Variants in DPF3 observed in about 807,000 individuals in gnomAD.
DPF3 encodes the protein zinc finger protein DPF3.
A neutral mutation model predicts 56.8 loss-of-function variants in DPF3; 18 were observed. The ratio of observed to expected loss-of-function variants is 0.32; its 90% CI spans 0.22 to 0.47. DPF3 has a LOEUF of 0.47. DPF3 is among the 20% of genes least tolerant of loss of function. The pLI, the probability that DPF3 is intolerant of heterozygous loss-of-function variation, is 1.00. For missense variants in DPF3, 403 were observed against 488.8 expected (o/e 0.82, Z 1.65); for synonymous variants, 188 against 180.2 (o/e 1.04, Z -0.35).
chr14:72,759,577 G>T (rs890459093), intron 2 of DPF3, among the ~76,000 whole-genome samples: 6 of 139,648 alleles, frequency 4.3e-5, no homozygotes, highest in African/African-American at 1.3e-4. Flanking sequence ...GGGAGAGAGG[G>T]AAGAAAGGGA....
At chr14:72,663,166 CAAAA>C (rs56335418) in intron 8 of DPF3, among the ~76,000 whole-genome samples, 31 of 88,518 alleles carry the variant, frequency 3.5e-4, no homozygotes, top group African/African-American at 1.2e-3. Flanking sequence ...TGGGTGTTAG[CAAAA>C]AAAAAAAAAA....
At chr14:72,670,913 G>T (rs1886642902) in intron 8 of DPF3, 2 of 1,292,986 alleles carry the variant, frequency 1.5e-6, no homozygotes, top group African/African-American at 1.6e-5. Flanking sequence ...CGCTCATTCT[G>T]CTGTTTTGTT....
intron 5 of DPF3, among the ~76,000 whole-genome samples, chr14:72,716,973 C>G (rs1888958502): frequency 6.6e-6 from 1 of 152,174 alleles, no homozygotes; most frequent in African/African-American, 2.4e-5. Flanking sequence ...CCCCCCTAGT[C>G]CATCCCAAGG....
At chr14:72,662,576 A>G (rs1886261660) in intron 8 of DPF3, 1 of 985,090 alleles carries the variant, frequency 1.0e-6, no homozygotes. Flanking sequence ...AGATTTAAAA[A>G]GAAAAAAAAA....
intron 6 of DPF3, among the ~76,000 whole-genome samples, chr14:72,695,790 C>T (rs112946331): frequency 4.3e-4 from 65 of 152,034 alleles, no homozygotes; most frequent in Non-Finnish European, 7.4e-4. Context: ...AAGCCCAAAC[C>T]TTAGCATTAT....
intron 9 of DPF3, among the ~76,000 whole-genome samples, chr14:72,629,272 G>A (rs971540470): frequency 6.6e-6 from 1 of 152,212 alleles, no homozygotes; most frequent in African/African-American, 2.4e-5. Flanking sequence ...CTTTGTCGAA[G>A]CTGGTGATGG....
At chr14:72,876,055 GA>G (rs1431994072) in intron 1 of DPF3, among the ~76,000 whole-genome samples, 1 of 152,224 alleles carries the variant, frequency 6.6e-6, no homozygotes, top group Non-Finnish European at 1.5e-5. Flanking sequence ...AGAAGAAGAA[GA>G]GGAGGAGGAG....
chr14:72,693,313 C>T, intron 6 of DPF3, 100 bp from the exon 7 acceptor site: 3 of 1,357,728 alleles, frequency 2.2e-6, no homozygotes, highest in African/African-American at 1.5e-5. Flanking sequence ...CCATCCACCC[C>T]AGAGCCAGGC....
At chr14:72,783,551 A>C (rs1266292302) in intron 1 of DPF3, among the ~76,000 whole-genome samples, 2 of 152,216 alleles carry the variant, frequency 1.3e-5, no homozygotes, top group Non-Finnish European at 2.9e-5. Flanking sequence ...TTTCTGCCCA[A>C]CACAACATAA....
chr14:72,677,528 T>G (rs1886965757), intron 7 of DPF3, among the ~76,000 whole-genome samples: 1 of 152,194 alleles, frequency 6.6e-6, no homozygotes, highest in Non-Finnish European at 1.5e-5. Flanking sequence ...CTCTCCCCGT[T>G]TCACATTATC....
At chr14:72,888,885 T>G (rs963633775) in intron 1 of DPF3, among the ~76,000 whole-genome samples, 3 of 152,228 alleles carry the variant, frequency 2.0e-5, no homozygotes, top group Admixed American at 6.5e-5. Flanking sequence ...CTGGTGCCTC[T>G]TTATGACCCA....
chr14:72,767,264 G>A (rs1286996711), intron 2 of DPF3, among the ~76,000 whole-genome samples: 2 of 152,142 alleles, frequency 1.3e-5, no homozygotes, highest in Admixed American at 1.3e-4. Flanking sequence ...TTCAGTCAAA[G>A]CCACTCATCT....
intron 7 of DPF3, among the ~76,000 whole-genome samples, chr14:72,686,190 C>T (rs562434564): frequency 6.6e-6 from 1 of 152,310 alleles, no homozygotes; most frequent in Admixed American, 6.5e-5. Flanking sequence ...CTGCTGATGC[C>T]AATGACACCC....
chr14:72,878,687 A>C (rs1599519927), intron 1 of DPF3, among the ~76,000 whole-genome samples: 1 of 152,270 alleles, frequency 6.6e-6, no homozygotes, highest in Admixed American at 6.5e-5. Flanking sequence ...ATCAGTGGCT[A>C]TCCATAAGCC....
chr14:72,644,490 T>C (rs553298332), intron 8 of DPF3, among the ~76,000 whole-genome samples: 26 of 152,346 alleles, frequency 1.7e-4, no homozygotes, highest in African/African-American at 4.3e-4. Context: ...GGGCTTTCTT[T>C]TTTTCCTCTG....
rs1267374279 is a variant in DPF3, at chr14:72,609,713, G to A, written c.*9584C>T. Among the ~76,000 whole-genome samples the A allele has an allele frequency of 3.9e-5, 6 of 152,300 alleles. No homozygotes were observed. The highest frequency in any genetic ancestry group is 3.3e-4 in the Admixed American group (5 of 15,302). ...AGTGAAGGAGGAGGACAGCTAACGGGGTGGGAGGTGGGAGCTTTTTGTTTG... is the reference window on the plus strand; with the variant it reads ...AGTGAAGGAGGAGGACAGCTAACGGAGTGGGAGGTGGGAGCTTTTTGTTTG... On this transcript the variant is annotated 3_prime_UTR_variant, in exon 11 of 11. Transcript: ENST00000556509.
rs766464899 is a variant in DPF3 at position 72,731,903 on chromosome 14, G to A, written c.333C>T (p.Phe111=). The change falls in exon 4 of 11, where the codon TTC becomes TTT. Residue 111 remains phenylalanine, a synonymous_variant. Transcript: ENST00000556509. ...EVELPLKKDG[F]TSESTTLEAL... is the part of the protein sequence containing the mutation. ...CTTCCAGCGTGGTGCTCTCTGAGGTGAACCCATCCTTCTTCAGGGGAAGCT... is the reference window on the plus strand; with the variant it reads ...CTTCCAGCGTGGTGCTCTCTGAGGTAAACCCATCCTTCTTCAGGGGAAGCT... 6.2e-7 allele frequency: 1 copy of A among 1,600,048 alleles called. No homozygotes were observed. The highest frequency in any genetic ancestry group is 8.5e-7 in the Non-Finnish European group (1 of 1,173,308).
chr14:72,771,586 C>T (rs968813740), intron 2 of DPF3, 147 bp downstream of exon 2: 3 of 778,972 alleles, frequency 3.9e-6, no homozygotes, highest in South Asian at 2.7e-5. Flanking sequence ...AGTAGCTGAG[C>T]TTCTTTAAGG....
intron 3 of DPF3, among the ~76,000 whole-genome samples, chr14:72,746,613 C>A (rs1890334026): frequency 6.6e-6 from 1 of 152,236 alleles, no homozygotes; most frequent in African/African-American, 2.4e-5. Flanking sequence ...CATCTGGGGG[C>A]TGGTGTGGAG....
Sources: gnomAD v4.1 joint callset for allele counts (sites outside exome capture counted in the v4.1 genomes callset) on GRCh38, gnomAD v4.1.1 for gene constraint, MANE v1.5 for transcripts, NCBI Gene and HGNC (gene_info 2026-07-23, HGNC 2026-07-21) for gene names.